The following GPM6A variants were observed in gnomAD, a reference collection of about 807,000 sequenced individuals.
The protein encoded by GPM6A is glycoprotein M6A.
Under a neutral mutation model 32.1 loss-of-function variants are expected in GPM6A, and 7 were observed. That is an observed-to-expected ratio of 0.22 (90% CI 0.12 to 0.41). GPM6A has a LOEUF of 0.41. GPM6A is among the 10% of genes least tolerant of loss of function. GPM6A has a pLI of 1.00. For missense variants in GPM6A, 235 were observed against 347.2 expected (o/e 0.68, Z 2.57); for synonymous variants, 130 against 123.4 (o/e 1.05, Z -0.35).
chr4:175,736,346 TAGA>T (rs1269072062), intron 1 of GPM6A, among the ~76,000 whole-genome samples: 3 of 152,308 alleles, frequency 2.0e-5, no homozygotes, highest in East Asian at 3.9e-4. Context: ...AAAGGATTCT[TAGA>T]AGGAGGCATG....
At chr4:175,773,122 T>G (rs1327395977) in intron 1 of GPM6A, among the ~76,000 whole-genome samples, 1 of 152,352 alleles carries the variant, frequency 6.6e-6, no homozygotes, top group East Asian at 1.9e-4. Context: ...AACATCAGTT[T>G]ACATAAGTTT....
chr4:175,931,709 CATATATAT>C (rs3034786), intron 1 of GPM6A, among the ~76,000 whole-genome samples: 19 of 129,298 alleles, frequency 1.5e-4, no homozygotes, highest in Non-Finnish European at 2.2e-4. Context: ...CACACACACA[CATATATAT>C]ATATATATAT....
chr4:175,768,246 C>G (rs1733052015), intron 1 of GPM6A, among the ~76,000 whole-genome samples: 1 of 151,980 alleles, frequency 6.6e-6, no homozygotes, highest in East Asian at 1.9e-4. Flanking sequence ...ATGAAATGTT[C>G]CAAGGGATTT....
At chr4:175,883,042 G>A (rs536674867) in intron 1 of GPM6A, among the ~76,000 whole-genome samples, 1 of 152,164 alleles carries the variant, frequency 6.6e-6, no homozygotes, top group African/African-American at 2.4e-5. Context: ...ACACACTAAA[G>A]TACAATGGAG....
chr4:175,953,974 T>TA (rs1739902264), intron 1 of GPM6A, among the ~76,000 whole-genome samples: 1 of 152,200 alleles, frequency 6.6e-6, no homozygotes, highest in African/African-American at 2.4e-5. Flanking sequence ...CCAGTTGGTT[T>TA]AAAAAACATC....
At chr4:175,853,873 C>T (rs1736337297) in intron 1 of GPM6A, among the ~76,000 whole-genome samples, 1 of 152,112 alleles carries the variant, frequency 6.6e-6, no homozygotes, top group Non-Finnish European at 1.5e-5. Flanking sequence ...ATTTCACTAT[C>T]AAAGAGTATT....
At chr4:175,670,704 T>C (rs1743007754) in intron 3 of GPM6A, among the ~76,000 whole-genome samples, 1 of 152,164 alleles carries the variant, frequency 6.6e-6, no homozygotes, top group Non-Finnish European at 1.5e-5. Flanking sequence ...GGATTTTGAA[T>C]GACAGATAGC....
intron 1 of GPM6A, among the ~76,000 whole-genome samples, chr4:175,911,905 C>T (rs985280703): frequency 1.2e-4 from 19 of 152,008 alleles, no homozygotes; most frequent in African/African-American, 1.7e-4. Context: ...GGGCAGGAAA[C>T]GGAGTGACAA....
At chr4:175,682,800 C>G (rs1743760763) in intron 2 of GPM6A, among the ~76,000 whole-genome samples, 1 of 152,172 alleles carries the variant, frequency 6.6e-6, no homozygotes. Context: ...ACTTGGCAGC[C>G]CCTGCCTAGA....
intron 1 of GPM6A, among the ~76,000 whole-genome samples, chr4:175,828,640 T>C (rs535511588): frequency 6.6e-6 from 1 of 152,310 alleles, no homozygotes; most frequent in South Asian, 2.1e-4. Flanking sequence ...TTTACTTCTG[T>C]GGCCCTAACA....
At chr4:175,750,461 G>T (rs537339286) in intron 1 of GPM6A, among the ~76,000 whole-genome samples, 1 of 152,282 alleles carries the variant, frequency 6.6e-6, no homozygotes, top group South Asian at 2.1e-4. Flanking sequence ...CTCTTAGATT[G>T]AAAAGTAGAG....
At chr4:175,811,068 G>C (rs909636489) in intron 1 of GPM6A, among the ~76,000 whole-genome samples, 1 of 152,066 alleles carries the variant, frequency 6.6e-6, no homozygotes, top group African/African-American at 2.4e-5. Context: ...GTGTGTGTGT[G>C]TGTATGCACC....
At chr4:175,970,451 T>A (rs189846381) in intron 1 of GPM6A, among the ~76,000 whole-genome samples, 1 of 152,348 alleles carries the variant, frequency 6.6e-6, no homozygotes, top group East Asian at 1.9e-4. Context: ...GACTTTGTAA[T>A]ACGTTTGGTT....
rs111875926 is a variant in GPM6A, at chr4:175,995,317, T to TA, written c.-23+6991dup. ...GTATGGCAGCTATTGCCTTGTGAGA[T>TA]ATAGTTCTTAAATAATAAGACTTGG... On this transcript the variant is annotated intron_variant, in intron 1 of 7. Transcript: ENST00000280187. 5.3e-3 allele frequency among the ~76,000 whole-genome samples: 765 copies of TA among 145,250 alleles called. 8 individuals are homozygous for TA. The highest frequency in any genetic ancestry group is 0.018 in the African/African-American group (722 of 39,088).
At chr4:175,807,910 C>G (rs1348580319) in intron 1 of GPM6A, among the ~76,000 whole-genome samples, 1 of 152,152 alleles carries the variant, frequency 6.6e-6, no homozygotes, top group Admixed American at 6.5e-5. Context: ...TGACTTTGGT[C>G]TAGTCAATTA....
chr4:175,814,841 T>C (rs983266021), upstream of GPM6A, among the ~76,000 whole-genome samples: 1 of 152,188 alleles, frequency 6.6e-6, no homozygotes, highest in Non-Finnish European at 1.5e-5. Flanking sequence ...ATTTTGATCA[T>C]TTTTAAATCT....
chr4:175,866,137 G>A (rs1294069202), intron 1 of GPM6A, among the ~76,000 whole-genome samples: 1 of 152,086 alleles, frequency 6.6e-6, no homozygotes, highest in African/African-American at 2.4e-5. Flanking sequence ...CTATATTTTA[G>A]AGTGGTTTTA....
chr4:175,923,754 A>G (rs1406656588), intron 1 of GPM6A, among the ~76,000 whole-genome samples: 1 of 151,878 alleles, frequency 6.6e-6, no homozygotes, highest in Non-Finnish European at 1.5e-5. Flanking sequence ...GGGTCTCATC[A>G]TGTTGCTCAG....
At chr4:175,636,260 GTATATATA>G (rs34516159) in intron 6 of GPM6A, among the ~76,000 whole-genome samples, 6,426 of 101,290 alleles carry the variant, frequency 0.063, 267 homozygotes, top group Admixed American at 0.1. Context: ...CATAATCACT[GTATATATA>G]TATATATATA....
Sources: gnomAD v4.1 joint callset for allele counts (sites outside exome capture counted in the v4.1 genomes callset) on GRCh38, gnomAD v4.1.1 for gene constraint, MANE v1.5 for transcripts, NCBI Gene and HGNC (gene_info 2026-07-23, HGNC 2026-07-21) for gene names.